The following AGTPBP1 variants were observed in gnomAD, a reference collection of about 807,000 sequenced individuals.
AGTPBP1 encodes the protein cytosolic carboxypeptidase 1.
In AGTPBP1, 70 loss-of-function variants were observed where a neutral mutation model predicts 143.9. The observed-to-expected ratio is 0.49, with a 90% confidence interval of 0.40 to 0.59. AGTPBP1 has a LOEUF of 0.59. AGTPBP1 is among the 20% of genes least tolerant of loss of function. The pLI, the probability that AGTPBP1 is intolerant of heterozygous loss-of-function variation, is 0.00. For missense variants in AGTPBP1, 1,229 were observed against 1,464.5 expected, an observed-to-expected ratio of 0.84 and a Z score of 2.62; for synonymous variants, 463 against 500.2, an observed-to-expected ratio of 0.93 and a Z score of 0.99.
At chr9:85,769,021 C>A in the AGTPBP1 span, among the ~76,000 whole-genome samples, 2 of 149,740 alleles carry the variant, frequency 1.3e-5, no homozygotes, top group East Asian at 2.0e-4. Context: ...TGCACTCCAG[C>A]CTGGATGACA....
intron 9 of AGTPBP1, among the ~76,000 whole-genome samples, chr9:85,657,967 T>C (rs979073610): frequency 3.7e-4 from 57 of 152,176 alleles, no homozygotes; most frequent in Non-Finnish European, 7.4e-5. Flanking sequence ...AATTTATGAA[T>C]ATACTGATTT....
At chr9:85,586,710 AAATT>A (rs1201714289) in intron 22 of AGTPBP1, 117 bp downstream of exon 22, 1 of 1,231,094 alleles carries the variant, frequency 8.1e-7, no homozygotes, top group African/African-American at 1.5e-5. Context: ...CAACCTTATA[AAATT>A]AAGACAACTA....
chr9:85,711,254 T>G (rs1837345994), intron 2 of AGTPBP1, among the ~76,000 whole-genome samples: 1 of 152,130 alleles, frequency 6.6e-6, no homozygotes, highest in Non-Finnish European at 1.5e-5. Context: ...AAACTGAGGC[T>G]TCACAAAGTT....
chr9:85,664,492 A>G (rs1226235733), intron 8 of AGTPBP1, among the ~76,000 whole-genome samples: 1 of 152,146 alleles, frequency 6.6e-6, no homozygotes, highest in Non-Finnish European at 1.5e-5. Context: ...GGGACCCTAG[A>G]AGTACTGTGC....
intron 24 of AGTPBP1, among the ~76,000 whole-genome samples, chr9:85,576,885 T>C: frequency 6.6e-6 from 1 of 152,152 alleles, no homozygotes; most frequent in Non-Finnish European, 1.5e-5. Context: ...AAGACACTTC[T>C]CTCAGTAAGA....
At chr9:85,668,030 A>G in intron 8 of AGTPBP1, among the ~76,000 whole-genome samples, 1 of 152,082 alleles carries the variant, frequency 6.6e-6, no homozygotes, top group East Asian at 1.9e-4. Context: ...TGTAATTGAC[A>G]GTGATCATAT....
chr9:85,636,262 T>TC (rs899853076), intron 13 of AGTPBP1, among the ~76,000 whole-genome samples: 13 of 124,698 alleles, frequency 1.0e-4, no homozygotes, highest in African/African-American at 4.0e-4. Flanking sequence ...AAGGTTTCTT[T>TC]TTTTTTTTTT....
At chr9:85,702,555 A>G (rs1836733717) in intron 2 of AGTPBP1, among the ~76,000 whole-genome samples, 1 of 149,356 alleles carries the variant, frequency 6.7e-6, no homozygotes, top group South Asian at 2.1e-4. Context: ...AGAGGTAACT[A>G]CATCATCAGT....
At chr9:85,719,206 G>A (rs1473295718) in intron 1 of AGTPBP1, among the ~76,000 whole-genome samples, 2 of 152,180 alleles carry the variant, frequency 1.3e-5, no homozygotes, top group Non-Finnish European at 2.9e-5. Context: ...TGTGAAGAAA[G>A]TCATCGGTAG....
intron 25 of AGTPBP1, among the ~76,000 whole-genome samples, chr9:85,568,590 T>C (rs1549371): frequency 0.99 from 151,306 of 152,246 alleles, 75,186 homozygotes; most frequent in Middle Eastern, 1. Flanking sequence ...CACGAGTGAC[T>C]AGTGCATGCA....
At chr9:85,579,660 C>T (rs1296983425) in intron 23 of AGTPBP1, among the ~76,000 whole-genome samples, 1 of 150,558 alleles carries the variant, frequency 6.6e-6, no homozygotes, top group Non-Finnish European at 1.5e-5. Flanking sequence ...ATCAAACTAG[C>T]TCATAAATCT....
intron 12 of AGTPBP1, among the ~76,000 whole-genome samples, chr9:85,645,151 G>A (rs1198549723): frequency 6.6e-6 from 1 of 152,050 alleles, no homozygotes; most frequent in African/African-American, 2.4e-5. Context: ...TTGCTATAAG[G>A]ATCTAATGGT....
At position 85,589,284 on chromosome 9, in the gene AGTPBP1, A is replaced by G. The variant is rs371068342; in HGVS notation, c.2722+244T>C. 1.4e-4 allele frequency among the ~76,000 whole-genome samples: 21 copies of G among 152,114 alleles called. No homozygotes were observed. The South Asian group carries it at 4.1e-3, about 30-fold the overall frequency. ...ACTTTGAATACAATTTCTAAGGATA[A>G]GAACTAAACGACAGTGGTAGCAAAA... On this transcript the variant is annotated intron_variant, in intron 20 of 25. Transcript: ENST00000357081.
Position 85,741,885 on chromosome 9 carries a change from C to G in AGTPBP1, c.-144G>C. ...CGCCGCCCGGTGTTTTCATACAAACCCCGGTGGCAGGCGAGGCGGAGGCGG... is the reference window on the plus strand; with the variant it reads ...CGCCGCCCGGTGTTTTCATACAAACGCCGGTGGCAGGCGAGGCGGAGGCGG... On this transcript the variant is annotated 5_prime_UTR_variant, in exon 1 of 26. Transcript: ENST00000357081. The G allele has an allele frequency of 7.3e-7, 1 of 1,375,756 alleles. No homozygotes were observed. The highest frequency in any genetic ancestry group is 9.4e-7 in the Non-Finnish European group (1 of 1,065,870). 85.2% of individuals were successfully genotyped at this position (1,375,756 alleles called of 1,614,324 possible). A position where few individuals can be genotyped will look rare whatever the true frequency, so the allele number is the denominator to read the frequency against.
upstream of AGTPBP1, among the ~76,000 whole-genome samples, chr9:85,746,496 G>A (rs532153654): frequency 6.6e-6 from 1 of 152,234 alleles, no homozygotes; most frequent in South Asian, 2.1e-4. Context: ...GAGCGTGGTG[G>A]TGCATGCCTG....
At chr9:85,569,433 G>A (rs575473307) in intron 25 of AGTPBP1, among the ~76,000 whole-genome samples, 1 of 152,110 alleles carries the variant, frequency 6.6e-6, no homozygotes, top group Admixed American at 6.5e-5. Flanking sequence ...ATAAATAGCA[G>A]TAACTAAGGA....
chr9:85,607,827 G>T (rs1278283714), intron 17 of AGTPBP1, among the ~76,000 whole-genome samples: 2 of 152,080 alleles, frequency 1.3e-5, no homozygotes, highest in African/African-American at 4.8e-5. Context: ...AACAAGAAAA[G>T]TTTAAAGTGG....
intron 7 of AGTPBP1, among the ~76,000 whole-genome samples, chr9:85,671,189 C>T (rs906441980): frequency 6.6e-6 from 1 of 152,006 alleles, no homozygotes; most frequent in Non-Finnish European, 1.5e-5. Context: ...CTCAAGCGGT[C>T]CTTCTGCCTA....
the AGTPBP1 span, among the ~76,000 whole-genome samples, chr9:85,775,393 G>A: frequency 6.6e-6 from 1 of 151,664 alleles, no homozygotes; most frequent in African/African-American, 2.4e-5. Flanking sequence ...GCTCATGCCT[G>A]TAATCCCAGC....
Sources: allele counts gnomAD v4.1 joint callset (sites outside exome capture counted in the v4.1 genomes callset), GRCh38; gene constraint gnomAD v4.1.1; transcripts MANE v1.5; gene names NCBI Gene and HGNC (gene_info 2026-07-23, HGNC 2026-07-21).